The following TRIM49C variants were observed in gnomAD, a reference collection of about 807,000 sequenced individuals.
TRIM49C encodes the protein tripartite motif containing 49C.
A neutral mutation model predicts 21.4 loss-of-function variants in TRIM49C; 6 were observed. That is an observed-to-expected ratio of 0.28 (90% CI 0.15 to 0.55). TRIM49C has a LOEUF of 0.55. Among genes scored for constraint, TRIM49C ranks in the 20% least tolerant of loss-of-function variants. The pLI is 0.94. For missense variants in TRIM49C, 161 were observed against 442.4 expected (o/e 0.36, Z 5.71); for synonymous variants, 57 against 148.1 (o/e 0.38, Z 4.47).
rs1440394878 is a variant in TRIM49C, at chr11:90,033,643, TA to T, written c.-5+1065del. Among the ~76,000 whole-genome samples the T allele has an allele frequency of 5.6e-4, 75 of 134,122 alleles. 15 individuals are homozygous for T. Among genetic ancestry groups the T allele is most frequent in the Non-Finnish European group, 1.1e-3 (68 of 62,236 alleles). The allele number at this position is 134,122 out of a possible 152,430, so 88.0% of individuals were successfully genotyped here. ...ATTTGTGTGGTATATTCTATCATAT[TA>T]AAACAATGAAACCGCCTGGCTGGGC... On this transcript the variant is annotated intron_variant, in intron 2 of 7. Coordinates refer to ENST00000448984, the MANE Select transcript of TRIM49C (RefSeq NM_001195234.1).
chr11:90,031,981 A>G (rs1950691075), intron 1 of TRIM49C, among the ~76,000 whole-genome samples: 1 of 136,202 alleles, frequency 7.3e-6, no homozygotes, highest in African/African-American at 2.6e-5. Context: ...TTTCAACAAA[A>G]AAAATTAGCC....
chr11:90,052,533 C>T, the TRIM49C span: 4 of 159,272 alleles, frequency 2.5e-5, 1 homozygote, highest in Non-Finnish European at 5.3e-5. Flanking sequence ...TTGGAGCCCT[C>T]GGGCTTCTGC....
rs1194809719 is a variant in TRIM49C at position 90,033,052 on chromosome 11, T to C, written c.-5+470T>C. ...AATGAGAAAGCTCCCCAAAATATCC[T>C]ACTTTAGAAATCAAAACACAATTTT... On this transcript the variant is annotated intron_variant, in intron 2 of 7. Transcript: ENST00000448984. Among the ~76,000 whole-genome samples, 7 of 132,396 alleles carry C rather than the reference T, an allele frequency of 5.3e-5. No homozygotes were observed. In the East Asian group the frequency reaches 9.0e-4, roughly 17 times the overall value. The allele number at this position is 132,396 out of a possible 152,430, so 86.9% of individuals were successfully genotyped here.
intron 4 of TRIM49C, among the ~76,000 whole-genome samples, chr11:90,036,697 C>A (rs1273837281): frequency 7.3e-6 from 1 of 137,686 alleles, no homozygotes; most frequent in African/African-American, 2.6e-5. Context: ...TTCATGAGAA[C>A]CTAGTCTATG....
the TRIM49C span, among the ~76,000 whole-genome samples, chr11:90,064,125 GC>G: frequency 7.2e-6 from 1 of 138,954 alleles, no homozygotes; most frequent in African/African-American, 2.7e-5. Flanking sequence ...AAATAAAGTA[GC>G]TTTTATCTAA....
chr11:90,034,565 G>C (rs563425), intron 2 of TRIM49C, among the ~76,000 whole-genome samples: 1 of 123,868 alleles, frequency 8.1e-6, no homozygotes, highest in Non-Finnish European at 1.7e-5. Flanking sequence ...AAACTTGATT[G>C]GTTTAATTGC....
chr11:90,043,193 G>T (rs1368592238), downstream of TRIM49C, among the ~76,000 whole-genome samples: 1 of 144,780 alleles, frequency 6.9e-6, no homozygotes, highest in Non-Finnish European at 1.5e-5. Context: ...GGGAGACCAA[G>T]GAGTGAGAAT....
At chr11:90,060,487 A>AC in the TRIM49C span, among the ~76,000 whole-genome samples, 2 of 152,130 alleles carry the variant, frequency 1.3e-5, no homozygotes, top group Non-Finnish European at 2.9e-5. Flanking sequence ...TCAGCAAGAG[A>AC]AGATGGAGTA....
At chr11:90,038,958 C>T (rs1348622685) in intron 6 of TRIM49C, among the ~76,000 whole-genome samples, 5 of 137,570 alleles carry the variant, frequency 3.6e-5, no homozygotes, top group African/African-American at 7.8e-5. Context: ...CTGGCTCTGT[C>T]GCCCAGGCTG....
intron 7 of TRIM49C, 135 bp from the exon 8 acceptor site, chr11:90,040,916 T>C: frequency 7.5e-7 from 1 of 1,336,490 alleles, no homozygotes. Context: ...ACCATCTCTA[T>C]ACTTTACTAG....
chr11:90,032,692 A>T (rs1950696077), intron 2 of TRIM49C, 110 bp downstream of exon 2: 1 of 125,260 alleles, frequency 8.0e-6, no homozygotes, highest in Admixed American at 7.4e-5. Flanking sequence ...ACCATTTGTA[A>T]CTCATGTTCT....
intron 2 of TRIM49C, among the ~76,000 whole-genome samples, chr11:90,033,368 T>C (rs2134812501): frequency 7.4e-6 from 1 of 135,034 alleles, no homozygotes; most frequent in South Asian, 2.6e-4. Flanking sequence ...TATACATATA[T>C]GTGTGCAGAT....
chr11:90,059,992 G>C, the TRIM49C span, among the ~76,000 whole-genome samples: 2 of 138,954 alleles, frequency 1.4e-5, no homozygotes, highest in Non-Finnish European at 3.1e-5. Context: ...AGATCTGTGG[G>C]GTATGGTTGG....
At chr11:90,071,827 A>G in the TRIM49C span, 1 of 811,610 alleles carries the variant, frequency 1.2e-6, no homozygotes, top group Non-Finnish European at 1.9e-6. Context: ...ATCAACATGC[A>G]ATGCCTTCAG....
the TRIM49C span, chr11:90,052,123 G>A: frequency 2.0e-6 from 1 of 490,924 alleles, no homozygotes; most frequent in Non-Finnish European, 3.4e-6. Flanking sequence ...CCGCAGGGAG[G>A]GGTCGGCAGA....
At chr11:90,048,759 C>A in the TRIM49C span, among the ~76,000 whole-genome samples, 2 of 125,294 alleles carry the variant, frequency 1.6e-5, 1 homozygote. Context: ...GACTTCTTCT[C>A]TCAACTTGTC....
intron 6 of TRIM49C, 105 bp downstream of exon 6, chr11:90,038,820 T>A: frequency 4.5e-6 from 2 of 440,340 alleles, no homozygotes; most frequent in Non-Finnish European, 7.9e-6. Flanking sequence ...TTGATACCAC[T>A]TTTTTTTGCA....
At chr11:90,053,705 C>T in the TRIM49C span, 4 of 147,332 alleles carry the variant, frequency 2.7e-5, no homozygotes, top group African/African-American at 5.0e-5. Context: ...GCCCCGCCAC[C>T]CTGCGGCCGA....
the TRIM49C span, among the ~76,000 whole-genome samples, chr11:90,054,373 G>A: frequency 2.2e-5 from 3 of 134,212 alleles, no homozygotes; most frequent in African/African-American, 7.9e-5. Context: ...CCCAAGTCCT[G>A]GTGTTATACT....
Sources: gnomAD v4.1 joint callset for allele counts (sites outside exome capture counted in the v4.1 genomes callset) on GRCh38, gnomAD v4.1.1 for gene constraint, MANE v1.5 for transcripts, NCBI Gene and HGNC (gene_info 2026-07-23, HGNC 2026-07-21) for gene names.